RAP2C: variants seen among roughly 807,000 people sequenced by gnomAD.
RAP2C encodes RAP2C, member of RAS oncogene family, also known as ras-related protein Rap-2c.
In RAP2C, 3 loss-of-function variants were observed where a neutral mutation model predicts 8.9. The ratio of observed to expected loss-of-function variants is 0.34; its 90% confidence interval spans 0.15 to 0.87. The LOEUF (loss-of-function observed/expected upper bound fraction) is 0.87, where lower values mean the gene tolerates loss of function less well. Ranked by LOEUF, RAP2C falls within the 40% of genes least tolerant of loss-of-function variation. The probability of loss-of-function intolerance (pLI) is 0.51; values close to 1 mark genes in which losing one functional copy is unlikely to be tolerated. For missense variants in RAP2C, 76 were observed against 133.7 expected, an observed-to-expected ratio of 0.57 and a Z score of 2.13; for synonymous variants, 60 against 52.1, an observed-to-expected ratio of 1.15 and a Z score of -0.65.
chrX:132,204,852 C>G lies in RAP2C; in HGVS notation c.*770G>C, dbSNP rs1448832148. On this transcript the variant is annotated 3_prime_UTR_variant, in exon 6 of 6. Coordinates refer to ENST00000370874, the MANE Select transcript of RAP2C (RefSeq NM_001271186.2). ...TTCACAGAAAGGAAAATGTTACTGCCGCAATTCAATGCTGTAAATGAGATT... is the reference window on the plus strand; with the variant it reads ...TTCACAGAAAGGAAAATGTTACTGCGGCAATTCAATGCTGTAAATGAGATT... 2.7e-5 allele frequency: 3 copies of G among 110,460 alleles called. No individual in the cohort carries two copies. Among genetic ancestry groups the G allele is most frequent in the Admixed American group, 9.7e-5 (1 of 10,302 alleles). The allele number at this position is 110,460 out of a possible 1,213,427, so 9.1% of individuals were successfully genotyped here.
chrX:132,217,658 G>A lies in RAP2C; in HGVS notation c.-390C>T, dbSNP rs759408510. ...AGGAGCCCGCAGCCCGGGGCTGCCC[G>A]GCACTCCTCCCCCGCCCTTCACACA... On this transcript the variant is annotated 5_prime_UTR_variant, in exon 4 of 6. Transcript: ENST00000370874. 2.3e-4 allele frequency: 31 copies of A among 131,965 alleles called. No homozygotes were observed. The highest frequency in any genetic ancestry group is 9.7e-4 in the African/African-American group (31 of 31,943). 10.9% of individuals were successfully genotyped at this position (131,965 alleles called of 1,213,427 possible).
intron 5 of RAP2C, among the ~76,000 whole-genome samples, chrX:132,213,390 T>C (rs1184972293): frequency 8.9e-6 from 1 of 111,881 alleles, no homozygotes; most frequent in African/African-American, 3.3e-5. Flanking sequence ...AACTCATTCA[T>C]TAAAAAAAAC....
Position 132,203,636 on chromosome X carries a change from A to G in RAP2C, c.*1986T>C, listed in dbSNP as rs1170714181. ...CTCTAGAAAATTTAAATCATGATGA[A>G]TTATTTGATTCCTTTAGAATTTCAC... On this transcript the variant is annotated 3_prime_UTR_variant, in exon 6 of 6. Coordinates refer to ENST00000370874, the MANE Select transcript of RAP2C (RefSeq NM_001271186.2). The G allele has an allele frequency of 9.0e-6, 1 of 111,534 alleles. No individual in the cohort carries two copies. Among genetic ancestry groups the G allele is most frequent in the Admixed American group, 9.6e-5 (1 of 10,432 alleles). The allele number at this position is 111,534 out of a possible 1,213,427, so 9.2% of individuals were successfully genotyped here.
In RAP2C at chrX:132,217,900, AG is replaced by A; in HGVS notation, c.-539+15del. On this transcript the variant is annotated intron_variant, in intron 3 of 5. Transcript: ENST00000370874. ...CCTCCCCCAACTCCCACCCGGATCAAGCTACTGCCGCTTACCCCGCCGTCCG... is the reference window on the plus strand; with the variant it reads ...CCTCCCCCAACTCCCACCCGGATCAACTACTGCCGCTTACCCCGCCGTCCG... 1 of 111,499 alleles carries A rather than the reference AG, an allele frequency of 9.0e-6. No individual in the cohort carries two copies. The highest frequency in any genetic ancestry group is 1.9e-5 in the Non-Finnish European group (1 of 52,766). 9.2% of individuals were successfully genotyped at this position (111,499 alleles called of 1,213,427 possible). A position where few individuals can be genotyped will look rare whatever the true frequency, so the allele number is the denominator to read the frequency against.
At chrX:132,215,044 C>G (rs1569364064) in intron 4 of RAP2C, among the ~76,000 whole-genome samples, 1 of 111,052 alleles carries the variant, frequency 9.0e-6, no homozygotes, top group African/African-American at 3.3e-5. Flanking sequence ...CTTAAATTCA[C>G]TAGAAACTAC....
intron 4 of RAP2C, 89 bp from the exon 5 acceptor site, chrX:132,214,535 C>T (rs1930517845): frequency 9.1e-7 from 1 of 1,095,667 alleles, no homozygotes; most frequent in Non-Finnish European, 1.2e-6. Flanking sequence ...AAAGTCATAC[C>T]TCAGTGAGTA....
At chrX:132,207,571 T>C in intron 5 of RAP2C, among the ~76,000 whole-genome samples, 1 of 111,704 alleles carries the variant, frequency 9.0e-6, no homozygotes, top group East Asian at 2.8e-4. Context: ...AAAGTATTAA[T>C]ACTAGCTACT....
chrX:132,204,243 C>A lies in RAP2C; in HGVS notation c.*1379G>T, dbSNP rs756529737. On this transcript the variant is annotated 3_prime_UTR_variant, in exon 6 of 6. Transcript: ENST00000370874. The stretch of plus-strand genomic sequence containing the variant: ...CAAATGAAAAGCACACAACTAAAAT[C>A]AAATAAAAACCCAACAATAAAATAC... 2.7e-5 allele frequency: 3 copies of A among 112,178 alleles called. No individual in the cohort carries two copies. The highest frequency in any genetic ancestry group is 5.7e-5 in the Non-Finnish European group (3 of 53,071). The allele number at this position is 112,178 out of a possible 1,213,427, so 9.2% of individuals were successfully genotyped here.
chrX:132,214,378 T>C lies in RAP2C; in HGVS notation c.342A>G (p.Val114=), dbSNP rs1394577582. The C allele has an allele frequency of 5.8e-6, 7 of 1,209,830 alleles. No individual in the cohort carries two copies. The highest frequency in any genetic ancestry group is 5.3e-5 in the South Asian group (3 of 56,936). The change falls in exon 5 of 6, where the codon GTA becomes GTG. Residue 114 remains valine, a synonymous_variant. Coordinates refer to ENST00000370874, the MANE Select transcript of RAP2C (RefSeq NM_001271186.2). ...CTGGTTCCAGATCCACTTTATTTCC[T>C]ACTAGGATTAGTGGGACTTTTTCAT... ...KRYEKVPLIL[V]GNKVDLEPER...
chrX:132,208,467 C>T (rs1396515739), intron 5 of RAP2C, among the ~76,000 whole-genome samples: 3 of 109,941 alleles, frequency 2.7e-5, no homozygotes, highest in Non-Finnish European at 5.7e-5. Flanking sequence ...ATTTTATTTA[C>T]AAGTTAAAAG....
At chrX:132,212,558 G>A (rs777283915) in intron 5 of RAP2C, among the ~76,000 whole-genome samples, 27 of 112,294 alleles carry the variant, frequency 2.4e-4, no homozygotes, top group African/African-American at 3.2e-4. Context: ...GGAACATTTC[G>A]TGGGAGTTGG....
At position 132,205,209 on chromosome X, in the gene RAP2C, T is replaced by G. The variant is rs934558611; in HGVS notation, c.*413A>C. On this transcript the variant is annotated 3_prime_UTR_variant, in exon 6 of 6. Coordinates refer to ENST00000370874, the MANE Select transcript of RAP2C (RefSeq NM_001271186.2). ...AGTAACCATTTGTTTAAGGCTCAAT[T>G]TTTTCTCCATTATAACTTTCTTTTA... 8.9e-6 allele frequency: 1 copy of G among 111,935 alleles called. No individual in the cohort carries two copies. Among genetic ancestry groups the G allele is most frequent in the Non-Finnish European group, 1.9e-5 (1 of 53,076 alleles). The allele number at this position is 111,935 out of a possible 1,213,427, so 9.2% of individuals were successfully genotyped here. A position where few individuals can be genotyped will look rare whatever the true frequency, so the allele number is the denominator to read the frequency against.
At chrX:132,214,596 C>G in intron 4 of RAP2C, 150 bp from the exon 5 acceptor site, 3 of 1,069,964 alleles carry the variant, frequency 2.8e-6, no homozygotes, top group Non-Finnish European at 3.6e-6. Flanking sequence ...AAATCGTCAT[C>G]ATTTTGTCCA....
rs1930671132 is a variant in RAP2C at position 132,217,746 on chromosome X, G to C, written c.-478C>G. ...CAGCCGGCTCAGGCCTGAGGGCTCCGTTCCAGTTACCGCTGCCCGGGCGGG... is the reference window on the plus strand; with the variant it reads ...CAGCCGGCTCAGGCCTGAGGGCTCCCTTCCAGTTACCGCTGCCCGGGCGGG... On this transcript the variant is annotated 5_prime_UTR_variant, in exon 4 of 6. Coordinates refer to ENST00000370874, the MANE Select transcript of RAP2C (RefSeq NM_001271186.2). 1 of 114,413 alleles carries C rather than the reference G, an allele frequency of 8.7e-6. No homozygotes were observed. The highest frequency in any genetic ancestry group is 3.2e-5 in the African/African-American group (1 of 31,244). The allele number at this position is 114,413 out of a possible 1,213,427, so 9.4% of individuals were successfully genotyped here. A position where few individuals can be genotyped will look rare whatever the true frequency, so the allele number is the denominator to read the frequency against.
At position 132,214,144 on chromosome X, in the gene RAP2C, T is replaced by C. The variant is rs1930504611; in HGVS notation, c.*24A>G. ...CCATCAAAAACTAACCTGCTCGGTA[T>C]GGCCATGATTGAGGTTATCTTCTTT... On this transcript the variant is annotated 3_prime_UTR_variant, in exon 5 of 6. Transcript: ENST00000370874. 1 of 1,191,521 alleles carries C rather than the reference T, an allele frequency of 8.4e-7. No homozygotes were observed. The highest frequency in any genetic ancestry group is 1.1e-6 in the Non-Finnish European group (1 of 882,412).
chrX:132,204,658 A>G lies in RAP2C; in HGVS notation c.*964T>C, dbSNP rs1239323524. 1 of 111,899 alleles carries G rather than the reference A, an allele frequency of 8.9e-6. No individual in the cohort carries two copies. The highest frequency in any genetic ancestry group is 3.3e-5 in the African/African-American group (1 of 30,721). The allele number at this position is 111,899 out of a possible 1,213,427, so 9.2% of individuals were successfully genotyped here. On this transcript the variant is annotated 3_prime_UTR_variant, in exon 6 of 6. Transcript: ENST00000370874. The stretch of plus-strand genomic sequence containing the variant: ...AAATATTAAGAACTAGAAAGTGTGT[A>G]TGATTTTATTTGAATTCAATTTTAC...
rs759972693 is a variant in RAP2C, at chrX:132,217,269, G to A, written c.-1C>T. The stretch of plus-strand genomic sequence containing the variant: ...ACACCACTACCTTGTATTCCCTCAT[G>A]AGTCTCACCTTCACCAACTCCTACC... On this transcript the variant is annotated 5_prime_UTR_variant, in exon 4 of 6. Coordinates refer to ENST00000370874, the MANE Select transcript of RAP2C (RefSeq NM_001271186.2). 10 of 1,093,922 alleles carry A rather than the reference G, an allele frequency of 9.1e-6. No homozygotes were observed. The highest frequency in any genetic ancestry group is 7.8e-5 in the South Asian group (3 of 38,273). 90.2% of individuals were successfully genotyped at this position (1,093,922 alleles called of 1,213,427 possible). A position where few individuals can be genotyped will look rare whatever the true frequency, so the allele number is the denominator to read the frequency against.
Position 132,217,546 on chromosome X carries a change from C to T in RAP2C, c.-278G>A. On this transcript the variant is annotated 5_prime_UTR_variant, in exon 4 of 6. Transcript: ENST00000370874. ...GAGGAGGGCGAGCCTGGGAAAAGCC[C>T]GGCGAGGGTGGCGAGGAGGCGCGTG... The T allele has an allele frequency of 4.0e-6, 1 of 249,560 alleles. No homozygotes were observed. Among genetic ancestry groups the T allele is most frequent in the Non-Finnish European group, 7.2e-6 (1 of 139,478 alleles). 20.6% of individuals were successfully genotyped at this position (249,560 alleles called of 1,213,427 possible). A position where few individuals can be genotyped will look rare whatever the true frequency, so the allele number is the denominator to read the frequency against.
At chrX:132,215,336 C>T (rs1448923015) in intron 4 of RAP2C, among the ~76,000 whole-genome samples, 1 of 110,898 alleles carries the variant, frequency 9.0e-6, no homozygotes, top group Admixed American at 9.6e-5. Context: ...AAAAGTTTGC[C>T]TTAAATAGAA....
Sources: gnomAD v4.1 joint callset for allele counts (sites outside exome capture counted in the v4.1 genomes callset) on GRCh38, gnomAD v4.1.1 for gene constraint, MANE v1.5 for transcripts, NCBI Gene and HGNC (gene_info 2026-07-23, HGNC 2026-07-21) for gene names.